Variants in MRPS35 observed in about 807,000 individuals in gnomAD.
The protein encoded by MRPS35 is small ribosomal subunit protein mS35.
Under a neutral mutation model 32.7 loss-of-function variants are expected in MRPS35, and 29 were observed. That is an observed-to-expected ratio of 0.89 (90% confidence interval 0.66 to 1.21). MRPS35 has a LOEUF of 1.21. Ranked by LOEUF, MRPS35 falls within the 50% of genes most tolerant of loss-of-function variation. MRPS35 has a pLI of 0.00. For synonymous variants in MRPS35, 148 were observed against 139.3 expected (o/e 1.06, Z -0.44); for missense variants, 373 against 383.8 (o/e 0.97, Z 0.23).
At chr12:27,749,891 A>C (rs2061995258) in intron 7 of MRPS35, among the ~76,000 whole-genome samples, 2 of 152,238 alleles carry the variant, frequency 1.3e-5, no homozygotes, top group Non-Finnish European at 2.9e-5. Context: ...CTATTACAAT[A>C]ATAAATGATG....
At chr12:27,733,214 G>A (rs2061929744) in intron 5 of MRPS35, among the ~76,000 whole-genome samples, 1 of 152,158 alleles carries the variant, frequency 6.6e-6, no homozygotes, top group South Asian at 2.1e-4. Context: ...CCAGATTAAA[G>A]ACTACAATGT....
intron 1 of MRPS35, 56 bp downstream of exon 1, chr12:27,711,011 C>A (rs2140746628): frequency 2.6e-6 from 4 of 1,516,966 alleles, no homozygotes; most frequent in Non-Finnish European, 3.6e-6. Context: ...AGCGGAATAC[C>A]GGCCTCATGA....
rs1217832904 is a variant in MRPS35 at position 27,737,609 on chromosome 12, G to T, written c.702+1G>T. On this transcript the variant is annotated splice_donor_variant, in intron 7 of 7. Transcript: ENST00000081029. LOFTEE classifies it high-confidence loss of function. ...AACAGTGTTATACCATGAGTCTTGGGTAAGTGTGTGTGAATATTTAATGAT... is the reference window on the plus strand; with the variant it reads ...AACAGTGTTATACCATGAGTCTTGGTTAAGTGTGTGTGAATATTTAATGAT... The T allele has an allele frequency of 1.9e-6, 3 of 1,595,086 alleles. No homozygotes were observed. In the Admixed American group the frequency reaches 5.1e-5, roughly 27 times the overall value.
chr12:27,744,357 G>T (rs923680227), intron 7 of MRPS35, among the ~76,000 whole-genome samples: 7 of 152,116 alleles, frequency 4.6e-5, no homozygotes, highest in Admixed American at 3.9e-4. Flanking sequence ...AGTTTGGGAG[G>T]CCGAGGCAGG....
intron 4 of MRPS35, 108 bp downstream of exon 4, chr12:27,719,976 A>T (rs1014835218): frequency 2.3e-5 from 18 of 794,348 alleles, no homozygotes; most frequent in Admixed American, 4.9e-5. Context: ...TTTTCAGTGA[A>T]TTGTTACATG....
chr12:27,710,871 C>A lies in MRPS35; in HGVS notation c.28C>A (p.Leu10Met). 1 of 1,610,766 alleles carries A rather than the reference C, an allele frequency of 6.2e-7. No homozygotes were observed. Among genetic ancestry groups the A allele is most frequent in the Non-Finnish European group, 8.5e-7 (1 of 1,179,830 alleles). Residue 10 changes from leucine to methionine, a missense_variant, in exon 1 of 8, where the codon CTG (leucine) becomes ATG (methionine). By Grantham distance (15) the Leu-to-Met change is conservative. Transcript: ENST00000081029. MAAAALPAW[L>M]SLQSRARTLR... ...GGCGGCCGCCGCGCTCCCAGCATGG[C>A]TGTCTCTGCAGTCGAGGGCAAGGAC...
chr12:27,720,394 C>CAAA (rs11414370), intron 4 of MRPS35, among the ~76,000 whole-genome samples: 1 of 101,664 alleles, frequency 9.8e-6, no homozygotes, highest in Non-Finnish European at 1.9e-5. Flanking sequence ...AACGCCATCT[C>CAAA]AAAAAAAAAA....
intron 3 of MRPS35, 50 bp downstream of exon 3, chr12:27,716,508 CT>C: frequency 6.3e-7 from 1 of 1,582,810 alleles, no homozygotes; most frequent in Non-Finnish European, 8.6e-7. Context: ...GAAATAAATG[CT>C]GATCTTCCCC....
chr12:27,734,933 T>C (rs936830780), intron 5 of MRPS35, among the ~76,000 whole-genome samples: 26 of 152,204 alleles, frequency 1.7e-4, no homozygotes, highest in Admixed American at 1.7e-3. Context: ...ATTGTTTTGA[T>C]CCTTCCCTGA....
intron 7 of MRPS35, among the ~76,000 whole-genome samples, chr12:27,743,227 A>C (rs142527343): frequency 1.3e-5 from 2 of 152,080 alleles, no homozygotes; most frequent in African/African-American, 2.4e-5. Flanking sequence ...GTGCACTTTC[A>C]TTAAAAATGG....
intron 7 of MRPS35, among the ~76,000 whole-genome samples, chr12:27,743,594 A>G (rs1220161973): frequency 1.3e-5 from 2 of 152,212 alleles, no homozygotes; most frequent in Non-Finnish European, 2.9e-5. Flanking sequence ...GTTGCTGGAT[A>G]TGAAAGTTAA....
chr12:27,712,801 G>T (rs920410945), intron 1 of MRPS35, among the ~76,000 whole-genome samples: 2 of 152,226 alleles, frequency 1.3e-5, no homozygotes, highest in Non-Finnish European at 2.9e-5. Flanking sequence ...CGGATCCCTT[G>T]AGCCCAGGAG....
At chr12:27,744,307 A>G (rs984114145) in intron 7 of MRPS35, among the ~76,000 whole-genome samples, 11 of 152,072 alleles carry the variant, frequency 7.2e-5, no homozygotes, top group African/African-American at 2.7e-4. Flanking sequence ...CATAGCAGCT[A>G]TTGAGGCTGG....
intron 2 of MRPS35, 32 bp downstream of exon 2, chr12:27,714,852 G>C (rs772852633): frequency 8.9e-6 from 14 of 1,578,916 alleles, no homozygotes; most frequent in African/African-American, 1.4e-5. Context: ...CTATCTTAAT[G>C]GTTTCTGGAG....
intron 7 of MRPS35, among the ~76,000 whole-genome samples, chr12:27,745,370 A>C (rs967228341): frequency 6.6e-6 from 1 of 152,196 alleles, no homozygotes; most frequent in Non-Finnish European, 1.5e-5. Flanking sequence ...TCAGTGTATC[A>C]TATTCTTTCC....
chr12:27,745,308 G>A (rs2061978503), intron 7 of MRPS35, among the ~76,000 whole-genome samples: 3 of 152,150 alleles, frequency 2.0e-5, no homozygotes, highest in Admixed American at 6.5e-5. Context: ...CAGGTACTTT[G>A]CCCAAGGTTA....
chr12:27,717,609 CAG>C (rs771950971), intron 3 of MRPS35, among the ~76,000 whole-genome samples: 55 of 152,164 alleles, frequency 3.6e-4, no homozygotes, highest in Non-Finnish European at 1.2e-4. Flanking sequence ...TTGCTGGAGA[CAG>C]GGGTAAATGA....
At chr12:27,741,926 T>C (rs1379641470) in intron 7 of MRPS35, among the ~76,000 whole-genome samples, 1 of 152,190 alleles carries the variant, frequency 6.6e-6, no homozygotes, top group African/African-American at 2.4e-5. Flanking sequence ...GTCAGAACTA[T>C]GTCTAGCTTT....
rs2062021961 is a variant in MRPS35, at chr12:27,755,281, A to G, written c.803A>G (p.Gln268Arg). The change falls in exon 8 of 8, where the codon CAG becomes CGG. Residue 268 changes from glutamine (Q) to arginine (R), a missense_variant. Gln to Arg is a conservative substitution (Grantham distance 43). Coordinates refer to ENST00000081029, the MANE Select transcript of MRPS35 (RefSeq NM_021821.4). Reference protein sequence around the residue: ...SERNILETLLQMKAAEKNMEI... With the variant: ...SERNILETLLRMKAAEKNMEI... ...AGAAATATCCTGGAAACGCTTCTCC[A>G]GATGAAAGCTGCTGAGAAAAATATG... 1 of 1,613,098 alleles carries G rather than the reference A, an allele frequency of 6.2e-7. No individual in the cohort carries two copies. Among genetic ancestry groups the G allele is most frequent in the African/African-American group, 1.3e-5 (1 of 74,870 alleles).
Sources: gnomAD v4.1 joint callset for allele counts (sites outside exome capture counted in the v4.1 genomes callset) on GRCh38, gnomAD v4.1.1 for gene constraint, MANE v1.5 for transcripts, NCBI Gene and HGNC (gene_info 2026-07-23, HGNC 2026-07-21) for gene names.